CNTNAP2: variants seen among roughly 807,000 people sequenced by gnomAD.
CNTNAP2 encodes the protein contactin-associated protein-like 2.
In CNTNAP2, 98 loss-of-function variants were observed where a neutral mutation model predicts 155.2. The ratio of observed to expected loss-of-function variants is 0.63; its 90% CI spans 0.54 to 0.75. CNTNAP2 has a LOEUF of 0.75. CNTNAP2 is among the 30% of genes least tolerant of loss of function. The pLI, the probability that CNTNAP2 is intolerant of heterozygous loss-of-function variation, is 0.00. For synonymous variants in CNTNAP2, 651 were observed against 631.2 expected (o/e 1.03, Z -0.47); for missense variants, 1,727 against 1,688.1 (o/e 1.02, Z -0.40).
rs190858890 is a variant in CNTNAP2, at chr7:148,155,130, A to G, written c.2773+7421A>G. Among the ~76,000 whole-genome samples the G allele has an allele frequency of 5.3e-5, 8 of 152,230 alleles. No homozygotes were observed. The East Asian group carries it at 1.5e-3, about 29-fold the overall frequency. ...CACACGAGTCTATAACATAGATAACATTGCTAATTCTTGTTTTATTCTCAC... is the reference window on the plus strand; with the variant it reads ...CACACGAGTCTATAACATAGATAACGTTGCTAATTCTTGTTTTATTCTCAC... On this transcript the variant is annotated intron_variant, in intron 17 of 23. Transcript: ENST00000361727.
At chr7:146,307,210 G>C (rs1800729009) in intron 1 of CNTNAP2, among the ~76,000 whole-genome samples, 2 of 152,090 alleles carry the variant, frequency 1.3e-5, no homozygotes, top group African/African-American at 4.8e-5. Context: ...GCCAAATCAT[G>C]AGTGAACTCC....
At chr7:147,370,005 T>G (rs1405959019) in intron 9 of CNTNAP2, among the ~76,000 whole-genome samples, 2 of 152,212 alleles carry the variant, frequency 1.3e-5, no homozygotes, top group African/African-American at 2.4e-5. Context: ...CAGCCCTTGT[T>G]GCTTCCTGTA....
intron 16 of CNTNAP2, among the ~76,000 whole-genome samples, chr7:148,136,465 A>T (rs903241171): frequency 1.3e-5 from 2 of 152,054 alleles, no homozygotes; most frequent in African/African-American, 4.8e-5. Context: ...TTCCGTCATG[A>T]GCATAAGCTT....
At position 148,219,161 on chromosome 7, in the gene CNTNAP2, C is replaced by T. The variant is rs192630581; in HGVS notation, c.3247+1637C>T. Among the ~76,000 whole-genome samples the T allele has an allele frequency of 1.5e-3, 223 of 152,078 alleles. 1 individual carries two copies. Among genetic ancestry groups the T allele is most frequent in the African/African-American group, 5.3e-3 (219 of 41,488 alleles). ...TTTCACATGTTGGCCAAGACAATCT[C>T]AATCTCTTGACCTCGTGATCCACCT... On this transcript the variant is annotated intron_variant, in intron 19 of 23. Transcript: ENST00000361727.
chr7:147,149,851 A>T (rs1801791206), intron 8 of CNTNAP2, among the ~76,000 whole-genome samples: 1 of 152,214 alleles, frequency 6.6e-6, no homozygotes, highest in African/African-American at 2.4e-5. Flanking sequence ...ATCTATGATG[A>T]TAGCCATGTA....
chr7:148,238,146 C>A (rs1237444239), intron 20 of CNTNAP2, among the ~76,000 whole-genome samples: 1 of 152,122 alleles, frequency 6.6e-6, no homozygotes, highest in South Asian at 2.1e-4. Flanking sequence ...GTCAAGAGAT[C>A]GAGACCATCC....
chr7:147,367,729 C>T (rs190739167), intron 9 of CNTNAP2, among the ~76,000 whole-genome samples: 266 of 152,138 alleles, frequency 1.7e-3, no homozygotes, highest in African/African-American at 5.9e-3. Flanking sequence ...ATCACACTTC[C>T]GGCTCCAGTT....
At chr7:147,737,287 A>G (rs942123461) in intron 13 of CNTNAP2, among the ~76,000 whole-genome samples, 17 of 152,084 alleles carry the variant, frequency 1.1e-4, no homozygotes, top group African/African-American at 3.9e-4. Flanking sequence ...CTGGAGGTCC[A>G]CTCCAGACCC....
intron 13 of CNTNAP2, among the ~76,000 whole-genome samples, chr7:147,839,741 G>A (rs1036855605): frequency 1.1e-4 from 16 of 152,016 alleles, no homozygotes; most frequent in East Asian, 7.7e-4. Flanking sequence ...ACTACTGGGC[G>A]TCTACTCAGA....
At chr7:146,783,752 G>A (rs1381006186) in intron 2 of CNTNAP2, among the ~76,000 whole-genome samples, 1 of 152,152 alleles carries the variant, frequency 6.6e-6, no homozygotes, top group African/African-American at 2.4e-5. Context: ...ATGTTAATAT[G>A]TGTGGTGAAC....
intron 20 of CNTNAP2, among the ~76,000 whole-genome samples, chr7:148,262,266 CGTT>C (rs1796576730): frequency 1.3e-5 from 2 of 152,096 alleles, no homozygotes; most frequent in African/African-American, 2.4e-5. Context: ...AGAACACTAA[CGTT>C]GTTATTGAAG....
chr7:147,985,047 A>G (rs1322739872), intron 15 of CNTNAP2, among the ~76,000 whole-genome samples: 2 of 152,018 alleles, frequency 1.3e-5, no homozygotes, highest in African/African-American at 4.8e-5. Context: ...CCCAGGAGGC[A>G]GAGGTTGCAG....
At chr7:148,352,810 G>A (rs1798451460) in intron 21 of CNTNAP2, among the ~76,000 whole-genome samples, 1 of 152,218 alleles carries the variant, frequency 6.6e-6, no homozygotes, top group African/African-American at 2.4e-5. Context: ...CACCGTGAGG[G>A]GGTATCCTTG....
intron 3 of CNTNAP2, among the ~76,000 whole-genome samples, chr7:146,900,000 A>G (rs1196690931): frequency 6.6e-6 from 1 of 152,142 alleles, no homozygotes; most frequent in Non-Finnish European, 1.5e-5. Flanking sequence ...TTTTAAGTTT[A>G]CCCTCAACGA....
intron 9 of CNTNAP2, among the ~76,000 whole-genome samples, chr7:147,343,178 A>C (rs1193926714): frequency 1.3e-5 from 2 of 152,140 alleles, no homozygotes; most frequent in Admixed American, 6.6e-5. Context: ...CAAGAAAAAA[A>C]GGTGAAGCAG....
At chr7:148,273,135 C>G (rs1395760296) in intron 21 of CNTNAP2, among the ~76,000 whole-genome samples, 1 of 152,182 alleles carries the variant, frequency 6.6e-6, no homozygotes, top group African/African-American at 2.4e-5. Context: ...TGAGAATATT[C>G]AACAAAGGCT....
intron 1 of CNTNAP2, among the ~76,000 whole-genome samples, chr7:146,766,039 A>G (rs936515708): frequency 6.6e-6 from 1 of 152,122 alleles, no homozygotes; most frequent in African/African-American, 2.4e-5. Context: ...CTTCGATTTT[A>G]TACTAAATAA....
chr7:148,173,330 C>T (rs2972112), intron 18 of CNTNAP2, among the ~76,000 whole-genome samples: 85,189 of 152,032 alleles, frequency 0.56, 25,253 homozygotes, highest in African/African-American at 0.74. Flanking sequence ...TAAATCACTC[C>T]TCTCTTTCTA....
At chr7:146,301,410 G>A (rs2129088410) in intron 1 of CNTNAP2, among the ~76,000 whole-genome samples, 1 of 152,152 alleles carries the variant, frequency 6.6e-6, no homozygotes, top group South Asian at 2.1e-4. Flanking sequence ...AGATCACAAG[G>A]TCAGGAGATC....
Sources: allele counts gnomAD v4.1 joint callset (sites outside exome capture counted in the v4.1 genomes callset), GRCh38; gene constraint gnomAD v4.1.1; transcripts MANE v1.5; gene names NCBI Gene and HGNC (gene_info 2026-07-23, HGNC 2026-07-21).